Variants in VTI1A observed in about 807,000 individuals in gnomAD.
VTI1A encodes vesicle transport through interaction with t-SNAREs 1A, also known as vesicle transport through interaction with t-SNAREs homolog 1A.
In VTI1A, 22 loss-of-function variants were observed where a neutral mutation model predicts 34.9. The observed-to-expected ratio is 0.63, with a 90% confidence interval of 0.45 to 0.90. The LOEUF (loss-of-function observed/expected upper bound fraction) is 0.90. Ranked by LOEUF, VTI1A falls within the 40% of genes least tolerant of loss-of-function variation. VTI1A has a pLI of 0.00. For synonymous variants in VTI1A, 87 were observed against 97.3 expected (o/e 0.89, Z 0.62); for missense variants, 268 against 275.6 (o/e 0.97, Z 0.20).
intron 7 of VTI1A, among the ~76,000 whole-genome samples, chr10:112,798,341 C>A (rs1441151476): frequency 1.3e-5 from 2 of 152,122 alleles, no homozygotes; most frequent in Non-Finnish European, 2.9e-5. Flanking sequence ...TTGCTGAGGA[C>A]CTGGAGTGGA....
chr10:112,518,129 A>T (rs1049727839), intron 3 of VTI1A, among the ~76,000 whole-genome samples: 1 of 152,070 alleles, frequency 6.6e-6, no homozygotes, highest in Non-Finnish European at 1.5e-5. Context: ...GAAGACCTGC[A>T]GAGTGGTAGG....
chr10:112,468,844 A>T (rs1034917988), intron 3 of VTI1A, among the ~76,000 whole-genome samples: 1 of 152,206 alleles, frequency 6.6e-6, no homozygotes, highest in Admixed American at 6.5e-5. Flanking sequence ...AGTACTGGTT[A>T]CTTCAGAGTT....
chr10:112,512,401 T>A (rs12775235), intron 3 of VTI1A, among the ~76,000 whole-genome samples: 9,090 of 152,270 alleles, frequency 0.06, 411 homozygotes, highest in Non-Finnish European at 0.087. Flanking sequence ...TGGGGCTATT[T>A]GTTTTTTCCT....
At chr10:112,559,352 T>C (rs1405266513) in intron 5 of VTI1A, among the ~76,000 whole-genome samples, 1 of 152,230 alleles carries the variant, frequency 6.6e-6, no homozygotes, top group Non-Finnish European at 1.5e-5. Flanking sequence ...AATGCTTTAC[T>C]TTGTATATCT....
Position 112,761,719 on chromosome 10 carries a change from C to T in VTI1A, c.561-53571C>T, listed in dbSNP as rs2134008654. Among the ~76,000 whole-genome samples, 3 of 151,830 alleles carry T rather than the reference C, an allele frequency of 2.0e-5. No individual in the cohort carries two copies. In the South Asian group the frequency reaches 6.3e-4, roughly 32 times the overall value. ...GCTGATTCTGTTGCTGTATTTATTA[C>T]CAGTGCTTGTTCTCTTTCCCTCCTG... On this transcript the variant is annotated intron_variant, in intron 7 of 7. Transcript: ENST00000393077.
chr10:112,457,178 G>C (rs920351768), intron 1 of VTI1A, among the ~76,000 whole-genome samples: 1 of 152,078 alleles, frequency 6.6e-6, no homozygotes, highest in South Asian at 2.1e-4. Context: ...CTGAAATGTC[G>C]AGGACCTTAA....
chr10:112,700,003 C>T (rs1225986315), intron 7 of VTI1A, among the ~76,000 whole-genome samples: 1 of 151,030 alleles, frequency 6.6e-6, no homozygotes, highest in East Asian at 2.0e-4. Context: ...CCTGTAATCC[C>T]AGCCACTCGA....
chr10:112,842,111 G>A, the VTI1A span, among the ~76,000 whole-genome samples: 1 of 127,338 alleles, frequency 7.9e-6, no homozygotes, highest in African/African-American at 3.0e-5. Flanking sequence ...CTCCCAGGCT[G>A]GAGTGCAGTG....
chr10:112,513,956 T>C (rs529298525), intron 3 of VTI1A, among the ~76,000 whole-genome samples: 6 of 152,036 alleles, frequency 3.9e-5, no homozygotes, highest in Admixed American at 3.9e-4. Flanking sequence ...ATTAGAGATA[T>C]TGATGTATAT....
In VTI1A at chr10:112,585,508, A is replaced by G. The variant is rs150771722; in HGVS notation, c.427+47178A>G. On this transcript the variant is annotated intron_variant, in intron 5 of 7. Transcript: ENST00000393077. ...ATTTAGAGTCATCCTAACATATGCAATGATTTGCCAAGCTTGAATATTCTT... is the reference window on the plus strand; with the variant it reads ...ATTTAGAGTCATCCTAACATATGCAGTGATTTGCCAAGCTTGAATATTCTT... Among the ~76,000 whole-genome samples, 1,105 of 152,314 alleles carry G rather than the reference A, an allele frequency of 7.3e-3. 8 individuals are homozygous for G. Among genetic ancestry groups the G allele is most frequent in the Middle Eastern group, 0.01 (3 of 294 alleles).
chr10:112,758,296 A>C (rs538880453), intron 7 of VTI1A, among the ~76,000 whole-genome samples: 1 of 152,150 alleles, frequency 6.6e-6, no homozygotes, highest in South Asian at 2.1e-4. Context: ...CATCATCTCT[A>C]AGGAGTATCT....
intron 5 of VTI1A, among the ~76,000 whole-genome samples, chr10:112,573,546 A>G (rs1158111812): frequency 2.0e-5 from 3 of 152,222 alleles, no homozygotes; most frequent in Admixed American, 6.5e-5. Context: ...AACCTATCCT[A>G]CTTACCTGGG....
intron 4 of VTI1A, 78 bp from the exon 5 acceptor site, chr10:112,538,168 G>A: frequency 1.5e-6 from 2 of 1,326,268 alleles, no homozygotes; most frequent in East Asian, 2.3e-5. Flanking sequence ...GGCATACGAA[G>A]GCATTTTTTT....
intron 7 of VTI1A, among the ~76,000 whole-genome samples, chr10:112,704,327 A>G (rs1225051845): frequency 1.3e-5 from 2 of 152,122 alleles, no homozygotes; most frequent in African/African-American, 2.4e-5. Context: ...AGTCTTTTCT[A>G]AATGAAGAAA....
intron 4 of VTI1A, among the ~76,000 whole-genome samples, chr10:112,530,016 A>G (rs190573059): frequency 6.2e-4 from 95 of 152,282 alleles, no homozygotes; most frequent in African/African-American, 2.1e-3. Context: ...GTACATAAAC[A>G]TTTCTGCCAT....
intron 5 of VTI1A, among the ~76,000 whole-genome samples, chr10:112,661,801 T>A (rs1847468962): frequency 6.9e-6 from 1 of 144,804 alleles, no homozygotes; most frequent in East Asian, 2.1e-4. Context: ...GAAGTCTAGC[T>A]CTGTCACCCA....
At chr10:112,472,727 A>G (rs1369294092) in intron 3 of VTI1A, among the ~76,000 whole-genome samples, 1 of 152,162 alleles carries the variant, frequency 6.6e-6, no homozygotes, top group African/African-American at 2.4e-5. Flanking sequence ...AACATGTTTT[A>G]GAGGTTTGGA....
intron 7 of VTI1A, among the ~76,000 whole-genome samples, chr10:112,743,801 A>G (rs1385363042): frequency 2.0e-5 from 3 of 152,220 alleles, no homozygotes; most frequent in Admixed American, 6.5e-5. Flanking sequence ...GGTTATATAC[A>G]TTTTCAATCA....
intron 5 of VTI1A, among the ~76,000 whole-genome samples, chr10:112,635,562 GA>G (rs1184589770): frequency 6.6e-6 from 1 of 152,178 alleles, no homozygotes; most frequent in Non-Finnish European, 1.5e-5. Context: ...GAAGATTTTA[GA>G]AAGATCAAAC....
Sources: allele counts gnomAD v4.1 joint callset (sites outside exome capture counted in the v4.1 genomes callset), GRCh38; gene constraint gnomAD v4.1.1; transcripts MANE v1.5; gene names NCBI Gene and HGNC (gene_info 2026-07-23, HGNC 2026-07-21).